OVCH1: variants seen among roughly 807,000 people sequenced by gnomAD.
OVCH1 encodes the protein ovochymase 1.
OVCH1 carries 139 observed loss-of-function variants against 138.4 expected under a neutral mutation model. The observed-to-expected ratio is 1.00, with a 90% CI of 0.87 to 1.16. The LOEUF is 1.16. Among genes scored for constraint, OVCH1 ranks in the 50% most tolerant of loss-of-function variants. The pLI is 0.00. For missense variants in OVCH1, 1,367 were observed against 1,357.9 expected (o/e 1.01, Z -0.11); for synonymous variants, 453 against 467.8 (o/e 0.97, Z 0.41).
chr12:29,423,540 G>T (rs1941134405), downstream of OVCH1, among the ~76,000 whole-genome samples: 1 of 152,154 alleles, frequency 6.6e-6, no homozygotes, highest in Non-Finnish European at 1.5e-5. Context: ...CACTTGTATG[G>T]CAATCTGTTA....
Position 29,475,198 on chromosome 12 carries a change from A to C in OVCH1, c.1472-9T>G. ...CATTCCACAAAGTTTAGCTGAAAAA[A>C]TTTTAGGAAAGTTTGATTTATAGTT... On this transcript the variant is annotated splice_polypyrimidine_tract_variant and intron_variant, in intron 13 of 27. Transcript: ENST00000318184. The C allele has an allele frequency of 7.0e-7, 1 of 1,430,224 alleles. No homozygotes were observed. The highest frequency in any genetic ancestry group is 9.2e-7 in the Non-Finnish European group (1 of 1,085,742). The allele number at this position is 1,430,224 out of a possible 1,614,324, so 88.6% of individuals were successfully genotyped here.
At chr12:29,411,371 G>A (rs1252118549), downstream of OVCH1, among the ~76,000 whole-genome samples, 1 of 151,350 alleles carries the variant, frequency 6.6e-6, no homozygotes, top group African/African-American at 2.4e-5. Context: ...TGGAGGAGGA[G>A]AGGTGCTCTG....
intron 12 of OVCH1, among the ~76,000 whole-genome samples, 187 bp downstream of exon 12, chr12:29,476,915 C>T (rs548969917): frequency 4.1e-4 from 62 of 152,130 alleles, no homozygotes; most frequent in African/African-American, 1.2e-3. Context: ...TCATTGGATA[C>T]ACTTTTAAAC....
At chr12:29,433,119 CCT>C (rs1171548745) in intron 27 of OVCH1, among the ~76,000 whole-genome samples, 1 of 152,154 alleles carries the variant, frequency 6.6e-6, no homozygotes, top group Non-Finnish European at 1.5e-5. Flanking sequence ...AAACAAGCTT[CCT>C]CTGTTATATA....
At chr12:29,423,402 A>T, downstream of OVCH1, 5 of 395,688 alleles carry the variant, frequency 1.3e-5, no homozygotes, top group South Asian at 9.5e-5. Context: ...GTTGATATTA[A>T]CAAAAGAATG....
chr12:29,468,327 G>C (rs1942386823), intron 16 of OVCH1, among the ~76,000 whole-genome samples: 5 of 152,186 alleles, frequency 3.3e-5, no homozygotes, highest in Middle Eastern at 6.8e-3. Context: ...AAATTAAGAA[G>C]TCAAAAATGA....
chr12:29,448,596 A>C (rs982478395), intron 22 of OVCH1, among the ~76,000 whole-genome samples: 1 of 152,042 alleles, frequency 6.6e-6, no homozygotes, highest in African/African-American at 2.4e-5. Flanking sequence ...TGTGAATTTT[A>C]TTCTAGCTGC....
At chr12:29,471,217 A>G (rs925118819) in intron 16 of OVCH1, among the ~76,000 whole-genome samples, 1 of 152,216 alleles carries the variant, frequency 6.6e-6, no homozygotes, top group African/African-American at 2.4e-5. Context: ...CTACAAATAT[A>G]TTATGTATAT....
chr12:29,496,652 C>T (rs1230255411), exon 2 of OVCH1: 1 of 1,613,148 alleles, frequency 6.2e-7, no homozygotes, highest in Non-Finnish European at 8.5e-7. Context: ...TCATGTTGAC[C>T]ATGCGAATTC....
chr12:29,486,303 A>G, exon 8 of OVCH1: 2 of 1,613,852 alleles, frequency 1.2e-6, no homozygotes, highest in South Asian at 1.1e-5. Flanking sequence ...GGCCTTTGTT[A>G]TATACCTTGA....
intron 19 of OVCH1, among the ~76,000 whole-genome samples, chr12:29,459,110 G>C (rs1480435739): frequency 2.0e-5 from 3 of 152,070 alleles, no homozygotes; most frequent in African/African-American, 7.2e-5. Flanking sequence ...AAATACCATT[G>C]ATCTAGCAAT....
intron 16 of OVCH1, among the ~76,000 whole-genome samples, chr12:29,466,017 T>C (rs551215114): frequency 6.8e-6 from 1 of 146,112 alleles, no homozygotes; most frequent in Non-Finnish European, 1.5e-5. Flanking sequence ...AGACACCGCA[T>C]GTTCTCACTC....
chr12:29,429,367 A>G (rs978776829), intron 27 of OVCH1, among the ~76,000 whole-genome samples: 2 of 152,202 alleles, frequency 1.3e-5, no homozygotes, highest in African/African-American at 4.8e-5. Context: ...GTGTGATCTC[A>G]TACTCATCCA....
chr12:29,429,888 A>T (rs1438608156), intron 27 of OVCH1, among the ~76,000 whole-genome samples: 1 of 152,226 alleles, frequency 6.6e-6, no homozygotes, highest in Non-Finnish European at 1.5e-5. Flanking sequence ...AATTCCTATC[A>T]TTGCTTCTTG....
intron 3 of OVCH1, among the ~76,000 whole-genome samples, chr12:29,415,320 C>T (rs1464511696): frequency 6.6e-6 from 1 of 152,158 alleles, no homozygotes; most frequent in Non-Finnish European, 1.5e-5. Context: ...ATCATGCAGG[C>T]ATACACCCAA....
chr12:29,402,656 A>G, the OVCH1 span, among the ~76,000 whole-genome samples: 3 of 152,120 alleles, frequency 2.0e-5, no homozygotes, highest in African/African-American at 7.2e-5. Flanking sequence ...GAGAAAAGAA[A>G]GGAGAAGAGG....
intron 15 of OVCH1, 139 bp from the exon 16 acceptor site, chr12:29,472,121 C>T (rs1942533531): frequency 1.0e-6 from 1 of 989,264 alleles, no homozygotes; most frequent in African/African-American, 1.7e-5. Context: ...CAAAACTCAC[C>T]TCTGAAAAAT....
chr12:29,438,576 A>G (rs1216951191), intron 26 of OVCH1, among the ~76,000 whole-genome samples: 1 of 152,152 alleles, frequency 6.6e-6, no homozygotes, highest in Non-Finnish European at 1.5e-5. Flanking sequence ...ACTTTTATCT[A>G]TGCAAATCTT....
At position 29,483,116 on chromosome 12, in the gene OVCH1, A is replaced by G. The variant is rs183697397; in HGVS notation, c.995+3130T>C. On this transcript the variant is annotated intron_variant, in intron 8 of 27. Transcript: ENST00000318184. ...CCTCCTCCTCTTCAGTCTTCTTTGG[A>G]TCAAAAAATATTATGGTTCCTATAA... 3.9e-3 allele frequency among the ~76,000 whole-genome samples: 589 copies of G among 152,266 alleles called. 1 individual carries two copies. The highest frequency in any genetic ancestry group is 6.5e-3 in the Non-Finnish European group (439 of 68,016).
Sources: gnomAD v4.1 joint callset for allele counts (sites outside exome capture counted in the v4.1 genomes callset) on GRCh38, gnomAD v4.1.1 for gene constraint, MANE v1.5 for transcripts, NCBI Gene and HGNC (gene_info 2026-07-23, HGNC 2026-07-21) for gene names.